Variants in TBL1X observed in about 807,000 individuals in gnomAD.
The protein encoded by TBL1X is transducin beta like 1 X-linked.
A neutral mutation model predicts 50.7 loss-of-function variants in TBL1X; 10 were observed. That is an observed-to-expected ratio of 0.20 (90% CI 0.12 to 0.33). The LOEUF (loss-of-function observed/expected upper bound fraction) is 0.33, where lower values mean the gene tolerates loss of function less well. TBL1X is among the 10% of genes least tolerant of loss of function. The probability of loss-of-function intolerance (pLI) is 1.00; values close to 1 mark genes in which losing one functional copy is unlikely to be tolerated. For synonymous variants in TBL1X, 190 were observed against 214.7 expected (o/e 0.88, Z 1.01); for missense variants, 340 against 504.4 (o/e 0.67, Z 3.12).
intron 6 of TBL1X, 117 bp downstream of exon 6, chrX:9,684,305 C>T: frequency 9.9e-7 from 1 of 1,014,015 alleles, no homozygotes; most frequent in Non-Finnish European, 1.3e-6. Flanking sequence ...AATTCCGCGG[C>T]AGGGTGCAGT....
intron 2 of TBL1X, among the ~76,000 whole-genome samples, chrX:9,518,537 A>G (rs1245026068): frequency 8.9e-6 from 1 of 112,016 alleles, no homozygotes; most frequent in African/African-American, 3.2e-5. Flanking sequence ...AAACCTTATC[A>G]GTTATTTATA....
At position 9,507,434 on chromosome X, in the gene TBL1X, A is replaced by G. The variant is rs1001894443; in HGVS notation, c.-131+5585A>G. 2.7e-5 allele frequency among the ~76,000 whole-genome samples: 3 copies of G among 111,972 alleles called. No homozygotes were observed. The Admixed American group carries it at 2.8e-4, about 11-fold the overall frequency. On this transcript the variant is annotated intron_variant, in intron 2 of 17. Coordinates refer to ENST00000645353, the MANE Select transcript of TBL1X (RefSeq NM_005647.4). ...TAACTACAAATCACTGCTCAAGGAA[A>G]TAAGAGAGGACACAAACAAATGGAA...
intron 2 of TBL1X, among the ~76,000 whole-genome samples, chrX:9,588,764 G>A (rs1266020733): frequency 1.8e-5 from 2 of 109,395 alleles, no homozygotes; most frequent in African/African-American, 6.7e-5. Flanking sequence ...CACCACGCCC[G>A]GCTAATTTTT....
intron 5 of TBL1X, among the ~76,000 whole-genome samples, chrX:9,663,487 G>A (rs1056807222): frequency 9.0e-6 from 1 of 111,665 alleles, no homozygotes; most frequent in African/African-American, 3.3e-5. Flanking sequence ...GGCCAGGTGC[G>A]GTGGCTCATG....
At chrX:9,624,712 A>C (rs1456733930) in intron 2 of TBL1X, among the ~76,000 whole-genome samples, 4 of 111,971 alleles carry the variant, frequency 3.6e-5, no homozygotes, top group African/African-American at 1.3e-4. Context: ...GTAAAGTGGG[A>C]ATAGTAGAAA....
intron 1 of TBL1X, among the ~76,000 whole-genome samples, chrX:9,477,608 T>G (rs2081856441): frequency 8.9e-6 from 1 of 112,343 alleles, no homozygotes; most frequent in Non-Finnish European, 1.9e-5. Context: ...TTAAGAGATA[T>G]GTCATTTAAC....
intron 6 of TBL1X, among the ~76,000 whole-genome samples, chrX:9,687,731 G>A (rs1354354245): frequency 2.9e-5 from 3 of 103,521 alleles, no homozygotes; most frequent in Non-Finnish European, 5.8e-5. Flanking sequence ...TTTCTGTCAA[G>A]AATAAATGGC....
chrX:9,526,114 TGA>T (rs1264963877), intron 2 of TBL1X, among the ~76,000 whole-genome samples: 1 of 91,779 alleles, frequency 1.1e-5, no homozygotes, highest in Non-Finnish European at 2.1e-5. Context: ...TGTATGTGTG[TGA>T]GTGTGTGTGT....
intron 2 of TBL1X, among the ~76,000 whole-genome samples, chrX:9,553,154 C>A (rs1035272844): frequency 9.1e-6 from 1 of 110,022 alleles, no homozygotes; most frequent in Non-Finnish European, 1.9e-5. Context: ...GAAAAAAAAA[C>A]AAAAACAAAA....
intron 12 of TBL1X, among the ~76,000 whole-genome samples, chrX:9,699,178 G>A (rs56405962): frequency 0.16 from 17,481 of 110,306 alleles, 1,085 homozygotes; most frequent in South Asian, 0.28. Context: ...ACGGGGTTTC[G>A]CCATGTTGGC....
At chrX:9,607,570 G>A (rs1391960075) in intron 2 of TBL1X, among the ~76,000 whole-genome samples, 1 of 112,350 alleles carries the variant, frequency 8.9e-6, no homozygotes, top group Non-Finnish European at 1.9e-5. Flanking sequence ...TGGTACCAGT[G>A]TGTTTCTGTC....
chrX:9,588,303 C>T (rs1418079103), intron 2 of TBL1X, among the ~76,000 whole-genome samples: 2 of 111,554 alleles, frequency 1.8e-5, no homozygotes, highest in African/African-American at 6.5e-5. Flanking sequence ...GACCCATCCC[C>T]TGTGGATGCT....
intron 3 of TBL1X, among the ~76,000 whole-genome samples, chrX:9,648,829 G>A (rs185542966): frequency 8.9e-6 from 1 of 112,352 alleles, no homozygotes; most frequent in Admixed American, 9.4e-5. Context: ...GCCCTGGGTG[G>A]GAGATCCATA....
chrX:9,496,986 C>T (rs1187597770), intron 1 of TBL1X, among the ~76,000 whole-genome samples: 2 of 111,934 alleles, frequency 1.8e-5, no homozygotes, highest in Non-Finnish European at 3.8e-5. Context: ...AAACATGTTT[C>T]AAGGACAGAT....
intron 2 of TBL1X, among the ~76,000 whole-genome samples, chrX:9,635,095 G>A (rs1202443389): frequency 9.0e-6 from 1 of 111,610 alleles, no homozygotes; most frequent in African/African-American, 3.3e-5. Context: ...CCTTCCTGTG[G>A]CTGCTGAGTT....
intron 2 of TBL1X, among the ~76,000 whole-genome samples, chrX:9,596,861 A>G (rs1292193667): frequency 9.0e-6 from 1 of 110,846 alleles, no homozygotes; most frequent in Non-Finnish European, 1.9e-5. Context: ...ACCCATGAAT[A>G]AGGATCCCAG....
intron 15 of TBL1X, among the ~76,000 whole-genome samples, chrX:9,710,930 A>G (rs1206258917): frequency 8.9e-6 from 1 of 112,317 alleles, no homozygotes; most frequent in Admixed American, 9.4e-5. Flanking sequence ...TTTTCCAAAT[A>G]TGGCTGTCTG....
chrX:9,680,010 G>A (rs1244757377), intron 5 of TBL1X, among the ~76,000 whole-genome samples: 2 of 112,020 alleles, frequency 1.8e-5, no homozygotes, highest in East Asian at 5.6e-4. Flanking sequence ...AGATCAAGAC[G>A]CCAGCAGATT....
chrX:9,700,718 T>A (rs2083164999), intron 12 of TBL1X, among the ~76,000 whole-genome samples: 1 of 111,274 alleles, frequency 9.0e-6, no homozygotes, highest in Admixed American at 9.6e-5. Context: ...AGACATTGCC[T>A]TGCCCCACTA....
Sources: gnomAD v4.1 joint callset for allele counts (sites outside exome capture counted in the v4.1 genomes callset) on GRCh38, gnomAD v4.1.1 for gene constraint, MANE v1.5 for transcripts, NCBI Gene and HGNC (gene_info 2026-07-23, HGNC 2026-07-21) for gene names.